The following DOCK1 variants were observed in gnomAD, a reference collection of about 807,000 sequenced individuals.
The protein encoded by DOCK1 is dedicator of cytokinesis protein 1.
Under a neutral mutation model 262.7 loss-of-function variants are expected in DOCK1, and 138 were observed. The observed-to-expected ratio is 0.53, with a 90% CI of 0.46 to 0.61. The LOEUF is 0.61. Ranked by LOEUF, DOCK1 falls within the 20% of genes least tolerant of loss-of-function variation. The pLI is 0.00. For synonymous variants in DOCK1, 866 were observed against 867.4 expected (o/e 1.00, Z 0.03); for missense variants, 1,908 against 2,370.7 (o/e 0.80, Z 4.05).
intron 23 of DOCK1, among the ~76,000 whole-genome samples, chr10:127,070,462 C>T (rs866017814): frequency 6.6e-6 from 1 of 151,890 alleles, no homozygotes. Flanking sequence ...CCACATTTGC[C>T]AGGCCGGTCT....
intron 23 of DOCK1, among the ~76,000 whole-genome samples, chr10:127,101,519 T>G (rs2048246208): frequency 6.6e-6 from 1 of 152,168 alleles, no homozygotes; most frequent in African/African-American, 2.4e-5. Flanking sequence ...TAATCAGCAT[T>G]TTGGGATCAC....
At chr10:126,950,233 G>T (rs976606184) in intron 1 of DOCK1, among the ~76,000 whole-genome samples, 4,500 of 152,142 alleles carry the variant, frequency 0.03, 120 homozygotes, top group Middle Eastern at 0.058. Flanking sequence ...TGGAGAGCAG[G>T]TTCCTAATTC....
intron 3 of DOCK1, among the ~76,000 whole-genome samples, chr10:126,980,069 C>T (rs1215191656): frequency 3.3e-5 from 5 of 152,136 alleles, no homozygotes; most frequent in African/African-American, 1.2e-4. Flanking sequence ...TGGGTGGACA[C>T]CTATTGCTAT....
At chr10:127,092,431 TGTGCCACACATG>T (rs1215498386) in intron 23 of DOCK1, among the ~76,000 whole-genome samples, 1 of 152,234 alleles carries the variant, frequency 6.6e-6, no homozygotes, top group East Asian at 1.9e-4. Context: ...GAGTGAGGGT[TGTGCCACACATG>T]GGTCCGATTG....
chr10:126,971,041 T>C (rs2038064347), intron 2 of DOCK1, among the ~76,000 whole-genome samples: 1 of 151,262 alleles, frequency 6.6e-6, no homozygotes, highest in Admixed American at 6.7e-5. Flanking sequence ...TTCAAGCATG[T>C]GTAAATCTTT....
chr10:126,962,787 C>G (rs2037329216), intron 1 of DOCK1, among the ~76,000 whole-genome samples: 1 of 152,168 alleles, frequency 6.6e-6, no homozygotes, highest in Non-Finnish European at 1.5e-5. Context: ...GATATAATAT[C>G]CAGTAAATCA....
chr10:127,430,269 C>T (rs530601278), intron 47 of DOCK1, among the ~76,000 whole-genome samples: 103 of 152,312 alleles, frequency 6.8e-4, no homozygotes, highest in Middle Eastern at 6.8e-3. Context: ...CCACAGCTGC[C>T]GGGGGGACCC....
chr10:127,280,674 C>T (rs149522461), intron 29 of DOCK1, among the ~76,000 whole-genome samples: 355 of 152,324 alleles, frequency 2.3e-3, no homozygotes, highest in Non-Finnish European at 3.2e-3. Context: ...AGGCAAGCTA[C>T]GTGCAGGTAA....
chr10:127,245,494 T>G (rs1450738155), intron 27 of DOCK1, among the ~76,000 whole-genome samples: 1 of 152,216 alleles, frequency 6.6e-6, no homozygotes, highest in Admixed American at 6.5e-5. Flanking sequence ...TTCTCTGATA[T>G]GCTCTTCCAG....
Position 127,294,054 on chromosome 10 carries a change from C to T in DOCK1, c.3044+36625C>T, listed in dbSNP as rs145196132. On this transcript the variant is annotated intron_variant, in intron 29 of 51. Coordinates refer to ENST00000623213, the MANE Select transcript of DOCK1 (RefSeq NM_001290223.2). ...CAGCTTGAGAAAGCCAGTGTGTGCT[C>T]GCCCACGTTACCCTCCAGGGCAGGT... Among the ~76,000 whole-genome samples the T allele has an allele frequency of 3.1e-3, 471 of 152,284 alleles. 7 individuals carry two copies. Among genetic ancestry groups the T allele is most frequent in the African/African-American group, 0.011 (449 of 41,554 alleles).
At chr10:127,425,826 T>C in intron 46 of DOCK1, 48 bp from the exon 47 acceptor site, 1 of 1,612,828 alleles carries the variant, frequency 6.2e-7, no homozygotes, top group Non-Finnish European at 8.5e-7. Context: ...TTGCTCGTCC[T>C]AGACCATTAT....
At chr10:127,407,768 C>T (rs1398064790) in intron 40 of DOCK1, among the ~76,000 whole-genome samples, 3 of 152,100 alleles carry the variant, frequency 2.0e-5, no homozygotes, top group African/African-American at 4.8e-5. Flanking sequence ...GAGGTTCTTC[C>T]CCCGTGTCCC....
intron 44 of DOCK1, among the ~76,000 whole-genome samples, chr10:127,417,065 G>A (rs1349378939): frequency 6.6e-6 from 1 of 152,178 alleles, no homozygotes; most frequent in African/African-American, 2.4e-5. Flanking sequence ...CCCATTCGCT[G>A]TTCATCTCTG....
chr10:126,939,057 C>T (rs1455005743), intron 1 of DOCK1, among the ~76,000 whole-genome samples: 3,380 of 60,112 alleles, frequency 0.056, 66 homozygotes, highest in Non-Finnish European at 0.08. Flanking sequence ...GGATGAACAC[C>T]GGGGGGGGGA....
chr10:127,006,876 G>T (rs1435420013), intron 10 of DOCK1, among the ~76,000 whole-genome samples: 1 of 151,714 alleles, frequency 6.6e-6, no homozygotes, highest in Admixed American at 6.6e-5. Context: ...GCATGTGAGG[G>T]TGGGCCTGCT....
In DOCK1 at chr10:127,175,065, C is replaced by T; in HGVS notation, c.2847+47301C>T. 1.5e-6 allele frequency: 1 copy of T among 683,758 alleles called. No homozygotes were observed. Among genetic ancestry groups the T allele is most frequent in the Non-Finnish European group, 2.6e-6 (1 of 390,032 alleles). The allele number at this position is 683,758 out of a possible 1,614,324, so 42.4% of individuals were successfully genotyped here. On this transcript the variant is annotated intron_variant, in intron 27 of 51. Transcript: ENST00000623213. The surrounding 1 kb of genome is among the most constrained non-coding windows in gnomAD (Gnocchi z 6.3). ...CTAGTATCATAAAATAATCTGCGAC[C>T]CCTTGGAGCTCGCCACGCCCTTAGA...
intron 29 of DOCK1, among the ~76,000 whole-genome samples, chr10:127,330,526 G>A (rs987214808): frequency 2.0e-5 from 3 of 152,180 alleles, no homozygotes; most frequent in Admixed American, 6.5e-5. Context: ...TAGTAGGATG[G>A]TTCCTCTAAA....
At chr10:126,932,988 G>A (rs1027261642) in intron 1 of DOCK1, among the ~76,000 whole-genome samples, 35 of 152,128 alleles carry the variant, frequency 2.3e-4, no homozygotes, top group African/African-American at 7.9e-4. Context: ...CTGGATATAT[G>A]TGGAGGAGTC....
At chr10:127,181,559 G>A (rs930618040) in intron 27 of DOCK1, among the ~76,000 whole-genome samples, 7 of 152,208 alleles carry the variant, frequency 4.6e-5, no homozygotes, top group Admixed American at 2.0e-4. Context: ...ACAAGGGATT[G>A]TATGAAATTA....
Sources: allele counts gnomAD v4.1 joint callset (sites outside exome capture counted in the v4.1 genomes callset), GRCh38; gene constraint gnomAD v4.1.1; non-coding constraint Gnocchi (gnomAD v3.1); transcripts MANE v1.5; gene names NCBI Gene and HGNC (gene_info 2026-07-23, HGNC 2026-07-21).